The following RANBP2 variants were observed in gnomAD, a reference collection of about 807,000 sequenced individuals.
RANBP2 encodes the protein E3 SUMO-protein ligase RanBP2.
Under a neutral mutation model 303.6 loss-of-function variants are expected in RANBP2, and 57 were observed. The ratio of observed to expected loss-of-function variants is 0.19; its 90% CI spans 0.15 to 0.23. The LOEUF (loss-of-function observed/expected upper bound fraction) is 0.23. Ranked by LOEUF, RANBP2 falls within the 10% of genes least tolerant of loss-of-function variation. The probability of loss-of-function intolerance (pLI) is 1.00; values close to 1 mark genes in which losing one functional copy is unlikely to be tolerated. For synonymous variants in RANBP2, 1,167 were observed against 1,301.5 expected, an observed-to-expected ratio of 0.90 and a Z score of 2.23; for missense variants, 3,138 against 3,780.8, an observed-to-expected ratio of 0.83 and a Z score of 4.46.
At chr2:108,844,926 T>A in the RANBP2 span, among the ~76,000 whole-genome samples, 1 of 152,148 alleles carries the variant, frequency 6.6e-6, no homozygotes, top group African/African-American at 2.4e-5. Flanking sequence ...TTTTGTATTT[T>A]TAGTAGAGAC....
At chr2:109,374,454 C>A in the RANBP2 span, among the ~76,000 whole-genome samples, 1 of 152,186 alleles carries the variant, frequency 6.6e-6, no homozygotes, top group African/African-American at 2.4e-5. Flanking sequence ...CCTGGTGGAT[C>A]GGAAAGTCCT....
chr2:109,556,586 C>G, the RANBP2 span, among the ~76,000 whole-genome samples: 1 of 152,084 alleles, frequency 6.6e-6, no homozygotes, highest in Non-Finnish European at 1.5e-5. Flanking sequence ...GCAAAATACC[C>G]TAGACATCAC....
the RANBP2 span, among the ~76,000 whole-genome samples, chr2:108,953,441 C>G: frequency 6.6e-6 from 1 of 152,112 alleles, no homozygotes; most frequent in African/African-American, 2.4e-5. Flanking sequence ...AAGACATCCT[C>G]TCTGCTTGGC....
At chr2:109,382,512 G>T in the RANBP2 span, among the ~76,000 whole-genome samples, 1 of 152,138 alleles carries the variant, frequency 6.6e-6, no homozygotes, top group Non-Finnish European at 1.5e-5. Flanking sequence ...CTTAGCACAT[G>T]CCCTTCCGTC....
chr2:109,553,267 G>C, the RANBP2 span: 1 of 1,600,342 alleles, frequency 6.2e-7, no homozygotes, highest in East Asian at 2.2e-5. Flanking sequence ...GATATAGGTC[G>C]GGTATGGCGG....
the RANBP2 span, among the ~76,000 whole-genome samples, chr2:109,590,021 T>TAC: frequency 3.3e-5 from 5 of 150,018 alleles, no homozygotes; most frequent in Admixed American, 6.7e-5. Context: ...TATATATATA[T>TAC]ACACACACAT....
At chr2:109,147,974 G>A in the RANBP2 span, among the ~76,000 whole-genome samples, 1 of 152,126 alleles carries the variant, frequency 6.6e-6, no homozygotes, top group Admixed American at 6.5e-5. Flanking sequence ...ATCTTTACAG[G>A]TTTGCTTAAG....
At chr2:108,869,893 G>A in the RANBP2 span, among the ~76,000 whole-genome samples, 26 of 152,220 alleles carry the variant, frequency 1.7e-4, no homozygotes, top group African/African-American at 5.1e-4. Context: ...CGTAGAACAC[G>A]CAAAGAAAGG....
At chr2:109,620,711 A>T in the RANBP2 span, among the ~76,000 whole-genome samples, 3 of 152,020 alleles carry the variant, frequency 2.0e-5, no homozygotes, top group Admixed American at 1.3e-4. Context: ...AAAAAAAAAT[A>T]GAAAGAAAGA....
At chr2:109,277,035 A>G in the RANBP2 span, among the ~76,000 whole-genome samples, 13 of 152,158 alleles carry the variant, frequency 8.5e-5, no homozygotes, top group Non-Finnish European at 1.5e-4. Context: ...CACCTGTCAA[A>G]TGGCAGGCAC....
chr2:109,074,198 C>T, the RANBP2 span, among the ~76,000 whole-genome samples: 1 of 150,634 alleles, frequency 6.6e-6, no homozygotes, highest in African/African-American at 2.4e-5. Context: ...GAAACCTGGT[C>T]TCTACTAGAA....
At chr2:109,250,688 C>T in the RANBP2 span, among the ~76,000 whole-genome samples, 1 of 151,530 alleles carries the variant, frequency 6.6e-6, no homozygotes, top group East Asian at 1.9e-4. Flanking sequence ...ATATTTATAT[C>T]AAAGGAGGAC....
the RANBP2 span, among the ~76,000 whole-genome samples, chr2:109,403,702 T>G: frequency 6.6e-6 from 1 of 152,160 alleles, no homozygotes; most frequent in Non-Finnish European, 1.5e-5. Context: ...GCTCCCTCTC[T>G]CTAGCTGTGT....
chr2:109,680,180 A>G, the RANBP2 span, among the ~76,000 whole-genome samples: 1 of 130,394 alleles, frequency 7.7e-6, no homozygotes, highest in East Asian at 2.2e-4. Flanking sequence ...TGTCTCTACT[A>G]AAAATACAAA....
the RANBP2 span, among the ~76,000 whole-genome samples, chr2:109,464,973 T>C: frequency 1.3e-5 from 2 of 152,256 alleles, no homozygotes; most frequent in African/African-American, 4.8e-5. Flanking sequence ...TGCCTGTTGA[T>C]CACTCTTTCA....
the RANBP2 span, among the ~76,000 whole-genome samples, chr2:109,366,978 CAG>C: frequency 6.6e-6 from 1 of 152,148 alleles, no homozygotes; most frequent in African/African-American, 2.4e-5. Context: ...TTTTTTGGGA[CAG>C]AGTCTCATTC....
chr2:108,929,071 G>C, the RANBP2 span: 1 of 1,121,650 alleles, frequency 8.9e-7, no homozygotes, highest in South Asian at 1.3e-5. Context: ...ATGGGACCAA[G>C]GCCAGGTGTG....
At chr2:108,858,163 G>A in the RANBP2 span, among the ~76,000 whole-genome samples, 1 of 152,172 alleles carries the variant, frequency 6.6e-6, no homozygotes, top group Non-Finnish European at 1.5e-5. Flanking sequence ...GGCCAACACG[G>A]TGAAACCCCG....
intron 9 of RANBP2, among the ~76,000 whole-genome samples, chr2:108,750,061 G>A (rs1468403973): frequency 6.6e-6 from 1 of 152,248 alleles, no homozygotes; most frequent in Admixed American, 6.5e-5. Flanking sequence ...CAGGGGAATC[G>A]CTTCAACCCG....
Sources: allele counts gnomAD v4.1 joint callset (sites outside exome capture counted in the v4.1 genomes callset), GRCh38; gene constraint gnomAD v4.1.1; transcripts MANE v1.5; gene names NCBI Gene and HGNC (gene_info 2026-07-23, HGNC 2026-07-21).